Variants in KIF16B observed in about 807,000 individuals in gnomAD.
KIF16B encodes kinesin family member 16B.
In KIF16B, 98 loss-of-function variants were observed where a neutral mutation model predicts 156.3. The observed-to-expected ratio is 0.63, with a 90% CI of 0.53 to 0.74. The LOEUF (loss-of-function observed/expected upper bound fraction) is 0.74. Ranked by LOEUF, KIF16B falls within the 30% of genes least tolerant of loss-of-function variation. The pLI, the probability that KIF16B is intolerant of heterozygous loss-of-function variation, is 0.00. For missense variants in KIF16B, 1,421 were observed against 1,606.5 expected (o/e 0.88, Z 1.97); for synonymous variants, 564 against 583.7 (o/e 0.97, Z 0.49).
chr20:16,492,706 C>A (rs2146926021), intron 12 of KIF16B, among the ~76,000 whole-genome samples: 1 of 152,168 alleles, frequency 6.6e-6, no homozygotes, highest in South Asian at 2.1e-4. Context: ...AGGGACGCTG[C>A]CGCAGCAGCA....
intron 1 of KIF16B, among the ~76,000 whole-genome samples, chr20:16,557,336 C>T (rs1359717386): frequency 4.6e-5 from 7 of 151,918 alleles, no homozygotes; most frequent in Non-Finnish European, 8.8e-5. Flanking sequence ...CCTGCTACTA[C>T]GCCCGGCTAA....
At chr20:16,273,815 G>A (rs1461199832) in intron 25 of KIF16B, among the ~76,000 whole-genome samples, 1 of 152,160 alleles carries the variant, frequency 6.6e-6, no homozygotes, top group African/African-American at 2.4e-5. Context: ...CGTGAGGAAT[G>A]CCCTCCACTG....
At chr20:16,367,954 T>C in intron 22 of KIF16B, 3 of 1,442,578 alleles carry the variant, frequency 2.1e-6, no homozygotes, top group South Asian at 1.5e-5. Flanking sequence ...AGGTAGAGCA[T>C]GAAAAATGCT....
chr20:16,499,523 T>C (rs2068555709), intron 10 of KIF16B, among the ~76,000 whole-genome samples: 1 of 152,222 alleles, frequency 6.6e-6, no homozygotes, highest in South Asian at 2.1e-4. Flanking sequence ...ATCTAACATG[T>C]TGTCTTGCAC....
intron 15 of KIF16B, among the ~76,000 whole-genome samples, chr20:16,417,917 G>A (rs2066130603): frequency 6.6e-6 from 1 of 152,020 alleles, no homozygotes. Flanking sequence ...TAACTTTTGT[G>A]TAATTGTAGT....
intron 25 of KIF16B, among the ~76,000 whole-genome samples, chr20:16,289,609 T>G (rs1004385944): frequency 1.3e-5 from 2 of 151,980 alleles, no homozygotes; most frequent in African/African-American, 4.8e-5. Context: ...ATCCCAGCAC[T>G]TTGGTAGGCC....
chr20:16,300,680 T>C (rs1202428233), intron 25 of KIF16B, among the ~76,000 whole-genome samples: 5 of 152,158 alleles, frequency 3.3e-5, no homozygotes, highest in Admixed American at 2.6e-4. Context: ...AAAATAGATT[T>C]TACTTCTTAG....
At chr20:16,397,964 G>A (rs1208500499) in intron 17 of KIF16B, among the ~76,000 whole-genome samples, 1 of 152,220 alleles carries the variant, frequency 6.6e-6, no homozygotes, top group Non-Finnish European at 1.5e-5. Context: ...GGGGTCTTCT[G>A]GAGATTCAGA....
intron 11 of KIF16B, among the ~76,000 whole-genome samples, chr20:16,496,904 C>A (rs2068466721): frequency 6.6e-6 from 1 of 152,090 alleles, no homozygotes; most frequent in South Asian, 2.1e-4. Context: ...CTTGAAAAAG[C>A]TTTTACAAAC....
intron 17 of KIF16B, among the ~76,000 whole-genome samples, chr20:16,385,003 C>T (rs1320158625): frequency 6.6e-6 from 1 of 151,906 alleles, no homozygotes; most frequent in Admixed American, 6.6e-5. Flanking sequence ...TTGAGACCAA[C>T]CTGGCCAACA....
intron 25 of KIF16B, among the ~76,000 whole-genome samples, chr20:16,278,073 T>C (rs767077845): frequency 2.0e-5 from 3 of 151,936 alleles, no homozygotes; most frequent in Non-Finnish European, 4.4e-5. Flanking sequence ...AAATCTTCTT[T>C]CAATACGATT....
At chr20:16,417,378 C>T (rs928416464) in intron 15 of KIF16B, among the ~76,000 whole-genome samples, 2 of 152,100 alleles carry the variant, frequency 1.3e-5, no homozygotes, top group Non-Finnish European at 2.9e-5. Flanking sequence ...AGCAGTGGAA[C>T]GGCAGACACG....
chr20:16,425,657 C>A (rs2066332548), intron 15 of KIF16B, among the ~76,000 whole-genome samples: 1 of 152,140 alleles, frequency 6.6e-6, no homozygotes, highest in Admixed American at 6.6e-5. Context: ...GGAGGCCTGG[C>A]AGCTGCACCT....
intron 25 of KIF16B, among the ~76,000 whole-genome samples, chr20:16,293,515 C>T (rs1601509265): frequency 1.3e-5 from 2 of 152,286 alleles, no homozygotes; most frequent in East Asian, 1.9e-4. Flanking sequence ...ACCTCTCATA[C>T]ATCCTTTCTC....
intron 12 of KIF16B, among the ~76,000 whole-genome samples, chr20:16,464,753 GTTC>G (rs1320791829): frequency 2.0e-5 from 3 of 152,146 alleles, no homozygotes; most frequent in Non-Finnish European, 4.4e-5. Flanking sequence ...CCATTGTTAA[GTTC>G]TTCTTCAAAT....
intron 1 of KIF16B, among the ~76,000 whole-genome samples, chr20:16,541,894 G>A (rs1488867850): frequency 1.3e-5 from 2 of 152,218 alleles, no homozygotes; most frequent in Non-Finnish European, 2.9e-5. Context: ...CCCCTGCTTT[G>A]AGCAATCAGG....
chr20:16,346,550 C>T (rs6105580), intron 23 of KIF16B, among the ~76,000 whole-genome samples: 1 of 152,208 alleles, frequency 6.6e-6, no homozygotes, highest in Non-Finnish European at 1.5e-5. Flanking sequence ...TGAAGTGCTA[C>T]TAAGTCCAAC....
chr20:16,423,847 G>T (rs758721843), intron 15 of KIF16B, among the ~76,000 whole-genome samples: 1 of 152,016 alleles, frequency 6.6e-6, no homozygotes, highest in Admixed American at 6.6e-5. Context: ...TCACTGAAGG[G>T]GTTGTCAGTG....
intron 24 of KIF16B, among the ~76,000 whole-genome samples, chr20:16,320,850 C>T (rs73112319): frequency 0.036 from 5,408 of 152,210 alleles, 109 homozygotes; most frequent in African/African-American, 0.045. Context: ...AATGGAAACA[C>T]ATCATTTGAA....
Sources: gnomAD v4.1 joint callset for allele counts (sites outside exome capture counted in the v4.1 genomes callset) on GRCh38, gnomAD v4.1.1 for gene constraint, MANE v1.5 for transcripts, NCBI Gene and HGNC (gene_info 2026-07-23, HGNC 2026-07-21) for gene names.